NRCAM: variants seen among roughly 807,000 people sequenced by gnomAD.
The protein encoded by NRCAM is neuronal cell adhesion molecule, also known as NgCAM-related cell adhesion molecule.
A neutral mutation model predicts 156.5 loss-of-function variants in NRCAM; 83 were observed. The observed-to-expected ratio is 0.53, with a 90% CI of 0.44 to 0.64. The LOEUF is 0.64. Among genes scored for constraint, NRCAM ranks in the 30% least tolerant of loss-of-function variants. NRCAM has a pLI of 0.00. For synonymous variants in NRCAM, 538 were observed against 563.9 expected (o/e 0.95, Z 0.65); for missense variants, 1,417 against 1,597.3 (o/e 0.89, Z 1.92).
chr7:108,229,796 C>T (rs1562848841), intron 8 of NRCAM, among the ~76,000 whole-genome samples: 1 of 152,158 alleles, frequency 6.6e-6, no homozygotes, highest in Non-Finnish European at 1.5e-5. Flanking sequence ...CATGTACTCC[C>T]TCTAAGGTAA....
chr7:108,385,963 G>A (rs578244144), intron 2 of NRCAM, among the ~76,000 whole-genome samples: 4 of 152,034 alleles, frequency 2.6e-5, no homozygotes, highest in Non-Finnish European at 5.9e-5. Flanking sequence ...ATATCAATGC[G>A]AGTATGTAAG....
rs114436779 is a variant in NRCAM, at chr7:108,228,568, A to T, written c.551-2190T>A. ...ATCTTGCAAGAAGTATGCTATATAA[A>T]TTTTTTTCTCATATTGCAGGTGCAA... is the stretch of plus-strand genomic sequence containing the variant. On this transcript the variant is annotated intron_variant, in intron 8 of 32. Coordinates refer to ENST00000379028, the MANE Select transcript of NRCAM (RefSeq NM_001037132.4). Among the ~76,000 whole-genome samples the T allele has an allele frequency of 9.9e-3, 1,510 of 152,250 alleles. 22 individuals are homozygous for T. Among genetic ancestry groups the T allele is most frequent in the African/African-American group, 0.034 (1,411 of 41,536 alleles).
At chr7:108,290,304 A>G (rs142315883) in intron 3 of NRCAM, among the ~76,000 whole-genome samples, 1 of 152,284 alleles carries the variant, frequency 6.6e-6, no homozygotes, top group African/African-American at 2.4e-5. Context: ...GAAAGCAAAA[A>G]GGATCATCTG....
At chr7:108,420,039 CGTGTGTGTGTGTGT>C (rs35840496) in intron 1 of NRCAM, among the ~76,000 whole-genome samples, 3 of 146,640 alleles carry the variant, frequency 2.0e-5, no homozygotes, top group African/African-American at 5.1e-5. Context: ...TTAGTTCCAT[CGTGTGTGTGTGTGT>C]GTGTGTGTGT....
chr7:108,259,122 T>C (rs945292839), intron 3 of NRCAM, among the ~76,000 whole-genome samples: 3 of 152,232 alleles, frequency 2.0e-5, no homozygotes, highest in Admixed American at 6.5e-5. Context: ...GAAAATTCTA[T>C]TGGACAGAGT....
intron 3 of NRCAM, among the ~76,000 whole-genome samples, chr7:108,244,074 A>G (rs2095727740): frequency 6.6e-6 from 1 of 152,182 alleles, no homozygotes; most frequent in Admixed American, 6.5e-5. Context: ...TTGTCTTTAG[A>G]AGGAAAATAA....
intron 2 of NRCAM, among the ~76,000 whole-genome samples, chr7:108,381,560 TC>T (rs764306559): frequency 4.2e-3 from 604 of 145,014 alleles, no homozygotes; most frequent in Non-Finnish European, 6.6e-3. Flanking sequence ...TTTTTTTTTT[TC>T]TTTTTTTTTT....
At chr7:108,191,230 GA>G in intron 19 of NRCAM, 23 bp downstream of exon 19, 1 of 1,588,282 alleles carries the variant, frequency 6.3e-7, no homozygotes, top group Non-Finnish European at 8.6e-7. Flanking sequence ...AGAAAACAGA[GA>G]AAGAAGACTC....
chr7:108,156,503 C>A, intron 32 of NRCAM: 1 of 803,318 alleles, frequency 1.2e-6, no homozygotes, highest in Non-Finnish European at 1.5e-6. Flanking sequence ...CAGAGGGTAA[C>A]TGCTTGGGGG....
At chr7:108,350,824 C>T (rs1384039144) in intron 2 of NRCAM, among the ~76,000 whole-genome samples, 2 of 152,008 alleles carry the variant, frequency 1.3e-5, no homozygotes, top group East Asian at 1.9e-4. Flanking sequence ...CAGTAGACAG[C>T]TTGTCATAAT....
chr7:108,266,540 TA>T (rs139177627), intron 3 of NRCAM, among the ~76,000 whole-genome samples: 2,459 of 152,308 alleles, frequency 0.016, 27 homozygotes, highest in Middle Eastern at 0.027. Flanking sequence ...ATTTAAATGA[TA>T]TTTTTTGGGG....
chr7:108,271,889 G>A (rs576759005), intron 3 of NRCAM, among the ~76,000 whole-genome samples: 1 of 152,282 alleles, frequency 6.6e-6, no homozygotes, highest in African/African-American at 2.4e-5. Context: ...GTCACATGGA[G>A]CATAAACTAG....
chr7:108,298,577 C>T (rs1323583378), intron 3 of NRCAM, among the ~76,000 whole-genome samples: 2 of 151,492 alleles, frequency 1.3e-5, no homozygotes, highest in Admixed American at 6.6e-5. Flanking sequence ...GGCGTGAACC[C>T]GGGAGGCAGA....
intron 12 of NRCAM, among the ~76,000 whole-genome samples, chr7:108,208,529 G>A: frequency 6.6e-6 from 1 of 152,064 alleles, no homozygotes; most frequent in Non-Finnish European, 1.5e-5. Flanking sequence ...ATTCTGTTAG[G>A]ATTTCCGTTT....
rs2060555272 is a variant in NRCAM at position 108,176,516 on chromosome 7, G to A, written c.3065C>T (p.Thr1022Ile). The A allele has an allele frequency of 1.2e-6, 2 of 1,613,588 alleles. No homozygotes were observed. The highest frequency in any genetic ancestry group is 1.7e-6 in the Non-Finnish European group (2 of 1,179,774). Residue 1022 changes from threonine (T) to isoleucine (I), a missense_variant, in exon 27 of 33, where the codon ACT (threonine) becomes ATT (isoleucine). Around this residue, in one of 2 missense-constraint regions of NRCAM, gnomAD observed 1,238 missense variants for 1,336.4 expected, o/e 0.93. Transcript: ENST00000379028. Reference sequence around the variant, plus strand: ...TGCATAGAAATAAAACTTATATCGAGTGCTGAAATTTAAATTTTTTAAAGT... The same window carrying A: ...TGCATAGAAATAAAACTTATATCGAATGCTGAAATTTAAATTTTTTAAAGT... ...RWTLKNLNFSTRYKFYFYAQT... is the reference protein window; with the variant it reads ...RWTLKNLNFSIRYKFYFYAQT...
intron 2 of NRCAM, among the ~76,000 whole-genome samples, chr7:108,376,690 C>A (rs1177461861): frequency 1.3e-5 from 2 of 152,124 alleles, no homozygotes; most frequent in African/African-American, 2.4e-5. Context: ...AAGAAGAATG[C>A]TAGGCAAGGA....
intron 3 of NRCAM, among the ~76,000 whole-genome samples, chr7:108,299,283 G>A (rs1464547493): frequency 6.6e-6 from 1 of 151,766 alleles, no homozygotes; most frequent in African/African-American, 2.4e-5. Flanking sequence ...TTGAAATCCT[G>A]TGTGAATAAA....
At chr7:108,390,145 T>G (rs1423612947) in intron 2 of NRCAM, among the ~76,000 whole-genome samples, 1 of 152,210 alleles carries the variant, frequency 6.6e-6, no homozygotes, top group Non-Finnish European at 1.5e-5. Flanking sequence ...CTCCTCCTTG[T>G]ACCTCTGGTA....
chr7:108,303,336 C>T (rs2154157969), intron 3 of NRCAM, among the ~76,000 whole-genome samples: 1 of 152,244 alleles, frequency 6.6e-6, no homozygotes, highest in South Asian at 2.1e-4. Context: ...TCAGGCCTTG[C>T]TCTTCCTCAT....
Sources: allele counts gnomAD v4.1 joint callset (sites outside exome capture counted in the v4.1 genomes callset), GRCh38; gene constraint gnomAD v4.1.1; regional missense constraint gnomAD v4.1.1; transcripts MANE v1.5; gene names NCBI Gene and HGNC (gene_info 2026-07-23, HGNC 2026-07-21).